The following MEGF10 variants were observed in gnomAD, a reference collection of about 807,000 sequenced individuals.
MEGF10 encodes the protein multiple epidermal growth factor-like domains protein 10.
MEGF10 carries 86 observed loss-of-function variants against 147.5 expected under a neutral mutation model. The observed-to-expected ratio is 0.58, with a 90% CI of 0.49 to 0.70. MEGF10 has a LOEUF of 0.70. MEGF10 is among the 30% of genes least tolerant of loss of function. The probability of loss-of-function intolerance (pLI) is 0.00; values close to 1 mark genes in which losing one functional copy is unlikely to be tolerated. For missense variants in MEGF10, 1,329 were observed against 1,487.3 expected (o/e 0.89, Z 1.75); for synonymous variants, 478 against 525.5 (o/e 0.91, Z 1.24).
the MEGF10 span, among the ~76,000 whole-genome samples, chr5:127,285,195 G>A: frequency 7.2e-5 from 11 of 152,114 alleles, no homozygotes; most frequent in East Asian, 3.9e-4. Flanking sequence ...CAAGAGCATC[G>A]TGGCTTTCTG....
chr5:127,258,136 C>T, the MEGF10 span, among the ~76,000 whole-genome samples: 5 of 152,142 alleles, frequency 3.3e-5, no homozygotes, highest in South Asian at 1.0e-3. Context: ...TTCTTGCTTG[C>T]ATAGCAAATT....
intron 5 of MEGF10, among the ~76,000 whole-genome samples, chr5:127,377,632 A>AT (rs1763082805): frequency 1.3e-5 from 2 of 152,294 alleles, no homozygotes; most frequent in South Asian, 4.1e-4. Context: ...AAGTAATAAG[A>AT]TTTTGCCTGC....
chr5:127,277,806 A>C, the MEGF10 span, among the ~76,000 whole-genome samples: 1 of 152,222 alleles, frequency 6.6e-6, no homozygotes, highest in South Asian at 2.1e-4. Context: ...GAGCAGCTCA[A>C]GGATGACACC....
intron 9 of MEGF10, among the ~76,000 whole-genome samples, chr5:127,413,235 G>A (rs1295250130): frequency 6.6e-6 from 1 of 152,094 alleles, no homozygotes; most frequent in Non-Finnish European, 1.5e-5. Context: ...TATTCACTGT[G>A]ACCTGGACTT....
At chr5:127,314,537 A>G (rs529984180) in intron 1 of MEGF10, among the ~76,000 whole-genome samples, 1 of 152,326 alleles carries the variant, frequency 6.6e-6, no homozygotes, top group South Asian at 2.1e-4. Context: ...GAGAATTTTT[A>G]CTTATGTCCT....
chr5:127,319,962 G>A (rs1760726842), intron 1 of MEGF10, among the ~76,000 whole-genome samples: 1 of 152,058 alleles, frequency 6.6e-6, no homozygotes, highest in Admixed American at 6.6e-5. Context: ...TGTGACCTTG[G>A]GCATACTTTT....
chr5:127,391,899 C>T (rs1006347384), intron 5 of MEGF10, among the ~76,000 whole-genome samples: 1 of 152,140 alleles, frequency 6.6e-6, no homozygotes. Flanking sequence ...CACAGTGGCT[C>T]ACACCTGTAA....
chr5:127,317,116 T>G (rs1760584820), intron 1 of MEGF10, among the ~76,000 whole-genome samples: 1 of 152,222 alleles, frequency 6.6e-6, no homozygotes, highest in African/African-American at 2.4e-5. Context: ...AAATGCCAGT[T>G]TGAATTTTAC....
At chr5:127,387,507 T>C (rs1213794851) in intron 5 of MEGF10, among the ~76,000 whole-genome samples, 3 of 152,194 alleles carry the variant, frequency 2.0e-5, no homozygotes, top group Admixed American at 1.3e-4. Flanking sequence ...TTCTAGAATG[T>C]TCCCCTTTGA....
chr5:127,331,171 T>C, intron 1 of MEGF10, 120 bp from the exon 2 acceptor site: 1 of 589,196 alleles, frequency 1.7e-6, no homozygotes, highest in African/African-American at 1.9e-5. Flanking sequence ...TTGAAATACA[T>C]GGCTTGTTAT....
chr5:127,434,621 C>T (rs1201581765), intron 14 of MEGF10, 66 bp from the exon 15 acceptor site: 4 of 1,490,766 alleles, frequency 2.7e-6, no homozygotes, highest in Non-Finnish European at 3.6e-6. Flanking sequence ...TTAACTAGAT[C>T]CCGATCTGGA....
the MEGF10 span, among the ~76,000 whole-genome samples, chr5:127,230,495 C>T: frequency 2.0e-5 from 3 of 152,190 alleles, no homozygotes; most frequent in African/African-American, 7.2e-5. Context: ...CTGGGAGTCC[C>T]AGATCTTAGT....
At chr5:127,297,276 A>G (rs1026525531) in intron 1 of MEGF10, among the ~76,000 whole-genome samples, 2 of 152,156 alleles carry the variant, frequency 1.3e-5, no homozygotes, top group Non-Finnish European at 2.9e-5. Flanking sequence ...TGTTTATCAG[A>G]TATTTATTAG....
At chr5:127,286,435 T>C (rs1197903889), upstream of MEGF10, among the ~76,000 whole-genome samples, 1 of 152,022 alleles carries the variant, frequency 6.6e-6, no homozygotes, top group Non-Finnish European at 1.5e-5. Flanking sequence ...ATGTAAAACA[T>C]TATGTATCAA....
chr5:127,447,485 T>A, intron 20 of MEGF10, 72 bp from the exon 21 acceptor site: 1 of 1,600,670 alleles, frequency 6.2e-7, no homozygotes, highest in South Asian at 1.1e-5. Flanking sequence ...CCTGTTTTGT[T>A]ATTTTGATTC....
At chr5:127,426,067 G>GGAGCCAGA (rs1234994330) in intron 13 of MEGF10, among the ~76,000 whole-genome samples, 1 of 152,156 alleles carries the variant, frequency 6.6e-6, no homozygotes, top group Admixed American at 6.5e-5. Flanking sequence ...AGTTGGATTT[G>GGAGCCAGA]GAGCCAGAGA....
chr5:127,247,711 A>G, the MEGF10 span, among the ~76,000 whole-genome samples: 8 of 152,164 alleles, frequency 5.3e-5, no homozygotes, highest in African/African-American at 1.9e-4. Flanking sequence ...CAAGCACCAC[A>G]TTTTATATCT....
intron 21 of MEGF10, 64 bp from the exon 22 acceptor site, chr5:127,449,035 A>G (rs1156327974): frequency 1.2e-5 from 19 of 1,592,524 alleles, no homozygotes; most frequent in Non-Finnish European, 1.5e-5. Context: ...CCCCAGGTCC[A>G]TAACGCTGTG....
chr5:127,407,353 T>G (rs2126945006), intron 8 of MEGF10, among the ~76,000 whole-genome samples: 1 of 152,312 alleles, frequency 6.6e-6, no homozygotes, highest in Non-Finnish European at 1.5e-5. Flanking sequence ...GTGAAAGCGG[T>G]ACCTGTCACC....
Sources: allele counts gnomAD v4.1 joint callset (sites outside exome capture counted in the v4.1 genomes callset), GRCh38; gene constraint gnomAD v4.1.1; transcripts MANE v1.5; gene names NCBI Gene and HGNC (gene_info 2026-07-23, HGNC 2026-07-21).